The following CCNG2 variants were observed in gnomAD, a reference collection of about 807,000 sequenced individuals.
CCNG2 encodes cyclin G2, also known as cyclin-G2.
A neutral mutation model predicts 36.5 loss-of-function variants in CCNG2; 20 were observed. The ratio of observed to expected loss-of-function variants is 0.55; its 90% confidence interval spans 0.39 to 0.80. The LOEUF is 0.80. CCNG2 is among the 30% of genes least tolerant of loss of function. The pLI is 0.00. For synonymous variants in CCNG2, 155 were observed against 140.1 expected (o/e 1.11, Z -0.75); for missense variants, 358 against 390.8 (o/e 0.92, Z 0.71).
At position 77,168,580 on chromosome 4, in the gene CCNG2, A is replaced by T. The variant is rs1731687673; in HGVS notation, c.*2656A>T. 1 of 152,206 alleles carries T rather than the reference A, an allele frequency of 6.6e-6. No individual in the cohort carries two copies. Among genetic ancestry groups the T allele is most frequent in the South Asian group, 2.1e-4 (1 of 4,822 alleles). 9.4% of individuals were successfully genotyped at this position (152,206 alleles called of 1,614,324 possible). A position where few individuals can be genotyped will look rare whatever the true frequency, so the allele number is the denominator to read the frequency against. Reference sequence around the variant, plus strand: ...GACCTTAAAAAATGTGTATTGAGAAAGAACTCTGTTAGCTATACAGAAGAT... The same window carrying T: ...GACCTTAAAAAATGTGTATTGAGAATGAACTCTGTTAGCTATACAGAAGAT... On this transcript the variant is annotated 3_prime_UTR_variant, in exon 8 of 8. Transcript: ENST00000316355.
chr4:77,164,492 C>T lies in CCNG2; in HGVS notation c.911+13C>T, dbSNP rs1731575005. ...ATGAAAGTGAAAGGTAGGCAGGTTC[C>T]TTGACTAATTAAACTTCCCTAGACT... On this transcript the variant is annotated intron_variant, in intron 7 of 7. Transcript: ENST00000316355. 4 of 1,603,384 alleles carry T rather than the reference C, an allele frequency of 2.5e-6. No homozygotes were observed. Among genetic ancestry groups the T allele is most frequent in the African/African-American group, 1.3e-5 (1 of 74,634 alleles).
chr4:77,161,613 A>T (rs770390071), intron 5 of CCNG2, 36 bp from the exon 6 acceptor site: 2 of 1,569,534 alleles, frequency 1.3e-6, no homozygotes, highest in Admixed American at 1.9e-5. Context: ...TTGAATTTTT[A>T]AAAAATATTT....
At position 77,164,469 on chromosome 4, in the gene CCNG2, G is replaced by A; in HGVS notation, c.901G>A (p.Glu301Lys). ...PTIPEGGCFD[E>K]SESEDSCEDM... is the part of the protein sequence containing the mutation. Reference sequence around the variant, plus strand: ...GATACCTGAGGGGGGTTGTTTTGATGAAAGTGAAAGGTAGGCAGGTTCCTT... The same window carrying A: ...GATACCTGAGGGGGGTTGTTTTGATAAAAGTGAAAGGTAGGCAGGTTCCTT... Residue 301 changes from glutamate to lysine, a missense_variant, in exon 7 of 8, where the codon GAA (glutamate) becomes AAA (lysine). Coordinates refer to ENST00000316355, the MANE Select transcript of CCNG2 (RefSeq NM_004354.3). 2 of 1,613,476 alleles carry A rather than the reference G, an allele frequency of 1.2e-6. No individual in the cohort carries two copies. Among genetic ancestry groups the A allele is most frequent in the East Asian group, 4.5e-5 (2 of 44,872 alleles).
Position 77,158,421 on chromosome 4 carries a change from T to C in CCNG2, c.1-112T>C, listed in dbSNP as rs562111081. On this transcript the variant is annotated intron_variant, in intron 1 of 7. Transcript: ENST00000316355. ...GACTGGTCCCTTCACCCGCTCCTTG[T>C]CGGGGTGTGCTGGGGCGACCCTTGC... 1.7e-5 allele frequency: 17 copies of C among 1,028,204 alleles called. No homozygotes were observed. In the East Asian group the frequency reaches 3.8e-4, roughly 23 times the overall value. 63.7% of individuals were successfully genotyped at this position (1,028,204 alleles called of 1,614,324 possible). A position where few individuals can be genotyped will look rare whatever the true frequency, so the allele number is the denominator to read the frequency against.
intron 6 of CCNG2, among the ~76,000 whole-genome samples, chr4:77,163,247 G>A (rs565718018): frequency 1.3e-5 from 2 of 152,216 alleles, no homozygotes; most frequent in South Asian, 4.1e-4. Flanking sequence ...CCCAACATTA[G>A]GAGCCAAGTG....
intron 2 of CCNG2, among the ~76,000 whole-genome samples, 183 bp from the exon 3 acceptor site, chr4:77,159,184 C>G (rs1388097542): frequency 6.6e-6 from 1 of 152,140 alleles, no homozygotes; most frequent in Non-Finnish European, 1.5e-5. Flanking sequence ...TTACGTCTTA[C>G]AGATGATAAA....
chr4:77,160,536 G>GC (rs1049887390), intron 3 of CCNG2, among the ~76,000 whole-genome samples, 185 bp from the exon 4 acceptor site: 1 of 147,836 alleles, frequency 6.8e-6, no homozygotes, highest in African/African-American at 2.6e-5. Flanking sequence ...TTTTTTGGGG[G>GC]GGGGGGGAGG....
intron 3 of CCNG2, among the ~76,000 whole-genome samples, 178 bp from the exon 4 acceptor site, chr4:77,160,543 G>GGA (rs1412322811): frequency 6.9e-6 from 1 of 144,588 alleles, no homozygotes; most frequent in African/African-American, 2.6e-5. Context: ...GGGGGGGGGG[G>GGA]AGGTCGAGAA....
At chr4:77,162,784 C>T (rs997587580) in intron 6 of CCNG2, among the ~76,000 whole-genome samples, 3 of 151,982 alleles carry the variant, frequency 2.0e-5, no homozygotes, top group Admixed American at 6.6e-5. Flanking sequence ...GTGAAAGTTT[C>T]AGCGAAGGCT....
At position 77,161,514 on chromosome 4, in the gene CCNG2, C is replaced by G; in HGVS notation, c.562C>G (p.Gln188Glu). ...ACTGAGCCTTGATAAACTAGAAGCT[C>G]AGCTGAAAGCTTGCAACTGCCGACT... The part of the protein sequence containing the change: ...EILSLDKLEA[Q>E]LKACNCRLIF... Residue 188 changes from glutamine to glutamate, a missense_variant, in exon 5 of 8, where the codon CAG becomes GAG. Coordinates refer to ENST00000316355, the MANE Select transcript of CCNG2 (RefSeq NM_004354.3). The G allele has an allele frequency of 6.2e-7, 1 of 1,611,648 alleles. No individual in the cohort carries two copies. The highest frequency in any genetic ancestry group is 8.5e-7 in the Non-Finnish European group (1 of 1,179,194).
At chr4:77,162,820 G>A (rs920825495) in intron 6 of CCNG2, among the ~76,000 whole-genome samples, 4 of 152,030 alleles carry the variant, frequency 2.6e-5, no homozygotes, top group African/African-American at 9.7e-5. Context: ...TGGTGGACTA[G>A]ACAGATATAA....
chr4:77,161,973 C>T (rs1731451223), intron 6 of CCNG2, among the ~76,000 whole-genome samples: 1 of 152,160 alleles, frequency 6.6e-6, no homozygotes, highest in African/African-American at 2.4e-5. Flanking sequence ...CATATAGGTG[C>T]CCCTTCTGTA....
In CCNG2 at chr4:77,165,810, T is replaced by C. The variant is rs762368414; in HGVS notation, c.921T>C (p.Ser307=). 3.1e-6 allele frequency: 5 copies of C among 1,594,030 alleles called. No homozygotes were observed. The highest frequency in any genetic ancestry group is 1.4e-5 in the African/African-American group (1 of 73,722). ...CTCTTTTTCTCTTTAGTGAGGACTC[T>C]TGTGAAGATATGAGTTGTGGAGAGG... ...GCFDESESED[S]CEDMSCGEES... is the part of the protein sequence containing the mutation. The change falls in exon 8 of 8, where the codon TCT becomes TCC. Residue 307 remains serine, a synonymous_variant. Transcript: ENST00000316355.
In CCNG2 at chr4:77,168,293, T is replaced by C. The variant is rs1427480098; in HGVS notation, c.*2369T>C. On this transcript the variant is annotated 3_prime_UTR_variant, in exon 8 of 8. Coordinates refer to ENST00000316355, the MANE Select transcript of CCNG2 (RefSeq NM_004354.3). ...GTTTATATCTCTCTGTCCCCCCTTTTTCTGCCATTGGCATGGTTTAGACCT... is the reference window on the plus strand; with the variant it reads ...GTTTATATCTCTCTGTCCCCCCTTTCTCTGCCATTGGCATGGTTTAGACCT... 1 of 152,264 alleles carries C rather than the reference T, an allele frequency of 6.6e-6. No individual in the cohort carries two copies. Among genetic ancestry groups the C allele is most frequent in the African/African-American group, 2.4e-5 (1 of 41,466 alleles). 9.4% of individuals were successfully genotyped at this position (152,264 alleles called of 1,614,324 possible). A position where few individuals can be genotyped will look rare whatever the true frequency, so the allele number is the denominator to read the frequency against.
At chr4:77,158,509 C>A (rs759620752) in intron 1 of CCNG2, 24 bp from the exon 2 acceptor site, 6 of 1,613,696 alleles carry the variant, frequency 3.7e-6, no homozygotes, top group East Asian at 4.5e-5. Flanking sequence ...AGATTACATT[C>A]TCTGTGTGGT....
intron 7 of CCNG2, 53 bp downstream of exon 7, chr4:77,164,532 T>A: frequency 3.1e-6 from 4 of 1,305,636 alleles, no homozygotes; most frequent in African/African-American, 1.5e-5. Context: ...ATTACTGAGT[T>A]TATTATACTC....
In CCNG2 at chr4:77,165,821, T is replaced by C. The variant is rs201736578; in HGVS notation, c.932T>C (p.Met311Thr). 2.5e-5 allele frequency: 40 copies of C among 1,601,378 alleles called. No homozygotes were observed. The highest frequency in any genetic ancestry group is 1.7e-4 in the Middle Eastern group (1 of 6,010). Residue 311 changes from methionine to threonine, a missense_variant, in exon 8 of 8, where the codon ATG becomes ACG. Met to Thr is a moderately conservative substitution (Grantham distance 81). Transcript: ENST00000316355. ...TTTAGTGAGGACTCTTGTGAAGATATGAGTTGTGGAGAGGAGAGTCTCAGC... is the reference window on the plus strand; with the variant it reads ...TTTAGTGAGGACTCTTGTGAAGATACGAGTTGTGGAGAGGAGAGTCTCAGC... ...ESESEDSCED[M>T]SCGEESLSSS...
intron 3 of CCNG2, among the ~76,000 whole-genome samples, chr4:77,160,017 T>TC (rs2109916273): frequency 6.6e-6 from 1 of 152,230 alleles, no homozygotes; most frequent in East Asian, 1.9e-4. Context: ...CTGGGTCAGT[T>TC]CTCAGGGCAC....
intron 7 of CCNG2, among the ~76,000 whole-genome samples, 189 bp from the exon 8 acceptor site, chr4:77,165,612 A>C (rs1731608843): frequency 6.6e-6 from 1 of 152,084 alleles, no homozygotes; most frequent in Non-Finnish European, 1.5e-5. Context: ...CAGTCCAAAA[A>C]ATCTATATTT....
Sources: allele counts gnomAD v4.1 joint callset (sites outside exome capture counted in the v4.1 genomes callset), GRCh38; gene constraint gnomAD v4.1.1; transcripts MANE v1.5; gene names NCBI Gene and HGNC (gene_info 2026-07-23, HGNC 2026-07-21).